HTR4: variants seen among roughly 807,000 people sequenced by gnomAD.
HTR4 encodes the protein 5-hydroxytryptamine (serotonin) receptor 4, G protein-coupled.
In HTR4, 16 loss-of-function variants were observed where a neutral mutation model predicts 36.8. The ratio of observed to expected loss-of-function variants is 0.43; its 90% CI spans 0.29 to 0.66. The LOEUF (loss-of-function observed/expected upper bound fraction) is 0.66, where lower values mean the gene tolerates loss of function less well. HTR4 is among the 30% of genes least tolerant of loss of function. The pLI, the probability that HTR4 is intolerant of heterozygous loss-of-function variation, is 0.13. For missense variants in HTR4, 438 were observed against 490.9 expected, an observed-to-expected ratio of 0.89 and a Z score of 1.02; for synonymous variants, 189 against 185.1, an observed-to-expected ratio of 1.02 and a Z score of -0.17.
chr5:148,647,806 A>G (rs1002846520), intron 1 of HTR4, among the ~76,000 whole-genome samples: 2 of 152,174 alleles, frequency 1.3e-5, no homozygotes, highest in African/African-American at 4.8e-5. Flanking sequence ...CTGAGATTGC[A>G]CCACTGCACT....
At chr5:148,626,511 T>A (rs7730166) in intron 2 of HTR4, among the ~76,000 whole-genome samples, 2,113 of 152,274 alleles carry the variant, frequency 0.014, 45 homozygotes, top group African/African-American at 0.049. Flanking sequence ...TGACTAGAAA[T>A]GAAAATACAA....
chr5:148,568,008 T>C (rs546604661), intron 2 of HTR4, among the ~76,000 whole-genome samples: 1 of 152,280 alleles, frequency 6.6e-6, no homozygotes, highest in South Asian at 2.1e-4. Flanking sequence ...CTGAAGACTA[T>C]GTTGGAAATA....
intron 4 of HTR4, among the ~76,000 whole-genome samples, chr5:148,542,971 T>C (rs1184472820): frequency 6.6e-6 from 1 of 152,196 alleles, no homozygotes; most frequent in African/African-American, 2.4e-5. Context: ...TCATGGTGCC[T>C]GACCTCTGCC....
chr5:148,653,930 C>T (rs1006418233), intron 1 of HTR4, 132 bp downstream of exon 1: 4 of 481,626 alleles, frequency 8.3e-6, no homozygotes, highest in Non-Finnish European at 1.1e-5. Context: ...CCCACCCTGC[C>T]GCAAAGCCGG....
chr5:148,637,135 C>G, intron 1 of HTR4, 74 bp from the exon 2 acceptor site: 1 of 914,168 alleles, frequency 1.1e-6, no homozygotes, highest in Non-Finnish European at 1.7e-6. Flanking sequence ...TTTTAAAAAA[C>G]TCAAATAACT....
At chr5:148,477,994 T>C (rs1755753312), downstream of HTR4, among the ~76,000 whole-genome samples, 1 of 152,196 alleles carries the variant, frequency 6.6e-6, no homozygotes, top group South Asian at 2.1e-4. Flanking sequence ...ATTCTCTTTA[T>C]AGCACATATC....
chr5:148,550,859 C>T (rs1020643795), intron 2 of HTR4, among the ~76,000 whole-genome samples: 1 of 152,174 alleles, frequency 6.6e-6, no homozygotes. Context: ...GCCCTAGCAT[C>T]ACCTTGTGGC....
At chr5:148,640,457 G>T (rs1365232535) in intron 1 of HTR4, among the ~76,000 whole-genome samples, 1 of 152,144 alleles carries the variant, frequency 6.6e-6, no homozygotes, top group Non-Finnish European at 1.5e-5. Context: ...TATTTCCTCT[G>T]GTGTTGTCAG....
At chr5:148,502,100 A>C (rs1190883792) in intron 6 of HTR4, among the ~76,000 whole-genome samples, 1 of 151,944 alleles carries the variant, frequency 6.6e-6, no homozygotes, top group Non-Finnish European at 1.5e-5. Context: ...AAAGCAGCAG[A>C]AAACTCTGCA....
intron 5 of HTR4, among the ~76,000 whole-genome samples, chr5:148,453,620 T>C (rs1755026730): frequency 6.6e-6 from 1 of 152,060 alleles, no homozygotes; most frequent in Admixed American, 6.6e-5. Context: ...ATGCAGCTGG[T>C]TGAGGCAGAA....
intron 6 of HTR4, among the ~76,000 whole-genome samples, chr5:148,496,662 G>T (rs1044830117): frequency 2.6e-5 from 4 of 152,182 alleles, no homozygotes; most frequent in African/African-American, 9.7e-5. Context: ...AAGCTCTAGA[G>T]CTGCCCAAAC....
intron 5 of HTR4, among the ~76,000 whole-genome samples, chr5:148,463,254 C>T (rs1755331357): frequency 1.5e-5 from 2 of 129,664 alleles, no homozygotes; most frequent in Non-Finnish European, 3.1e-5. Flanking sequence ...CTCACTGCAA[C>T]TTCCATCTCC....
At chr5:148,552,240 A>G (rs1344990138) in intron 2 of HTR4, among the ~76,000 whole-genome samples, 1 of 152,222 alleles carries the variant, frequency 6.6e-6, no homozygotes, top group East Asian at 1.9e-4. Flanking sequence ...GCAGATTGAT[A>G]GATTGTTTAT....
At chr5:148,544,277 TTCTCTCTTTCTCTCTCTCTCCACCTC>T (rs1466108210) in intron 4 of HTR4, among the ~76,000 whole-genome samples, 1 of 148,192 alleles carries the variant, frequency 6.7e-6, no homozygotes, top group African/African-American at 2.5e-5. Context: ...CTCTCTCTCT[TTCTCTCTTTCTCTCTCTCTCCACCTC>T]TCTTTCTCTC....
At chr5:148,513,138 G>A (rs1757574799) in intron 5 of HTR4, among the ~76,000 whole-genome samples, 1 of 151,914 alleles carries the variant, frequency 6.6e-6, no homozygotes, top group African/African-American at 2.4e-5. Context: ...ACAGGTGTGA[G>A]CCACCACCCC....
chr5:148,515,692 C>G (rs1757713211), intron 5 of HTR4, among the ~76,000 whole-genome samples: 1 of 151,712 alleles, frequency 6.6e-6, no homozygotes, highest in Non-Finnish European at 1.5e-5. Flanking sequence ...TCTTATTTTC[C>G]CTGTTAAGTT....
intron 2 of HTR4, among the ~76,000 whole-genome samples, chr5:148,633,690 C>T (rs185162795): frequency 1.6e-3 from 248 of 152,166 alleles, no homozygotes; most frequent in African/African-American, 5.1e-3. Context: ...TCTAGCTACA[C>T]AGTGAGATCC....
chr5:148,602,236 A>C (rs1023585423), intron 2 of HTR4, among the ~76,000 whole-genome samples: 2 of 152,186 alleles, frequency 1.3e-5, no homozygotes, highest in African/African-American at 4.8e-5. Flanking sequence ...TCACGGGTGT[A>C]TACTTACTCC....
chr5:148,545,166 C>T (rs1759326492), intron 4 of HTR4, among the ~76,000 whole-genome samples: 1 of 152,224 alleles, frequency 6.6e-6, no homozygotes, highest in African/African-American at 2.4e-5. Flanking sequence ...ACAGGGAAAG[C>T]TGGAGACAAG....
Sources: allele counts gnomAD v4.1 joint callset (sites outside exome capture counted in the v4.1 genomes callset), GRCh38; gene constraint gnomAD v4.1.1; transcripts MANE v1.5; gene names NCBI Gene and HGNC (gene_info 2026-07-23, HGNC 2026-07-21).